Variants in TENT2 observed in about 807,000 individuals in gnomAD.
TENT2 encodes the protein terminal nucleotidyltransferase 2.
TENT2 carries 44 observed loss-of-function variants against 72.2 expected under a neutral mutation model. That is an observed-to-expected ratio of 0.61 (90% CI 0.48 to 0.78). The LOEUF (loss-of-function observed/expected upper bound fraction) is 0.78. Ranked by LOEUF, TENT2 falls within the 30% of genes least tolerant of loss-of-function variation. TENT2 has a pLI of 0.00. For missense variants in TENT2, 541 were observed against 569.6 expected (o/e 0.95, Z 0.51); for synonymous variants, 212 against 192.5 (o/e 1.10, Z -0.84).
intron 10 of TENT2, among the ~76,000 whole-genome samples, chr5:79,654,340 A>G (rs1009156681): frequency 6.6e-6 from 1 of 152,122 alleles, no homozygotes. Flanking sequence ...CTGAGGCAGT[A>G]GAATCACTTG....
chr5:79,647,634 T>C (rs910980879), intron 8 of TENT2, among the ~76,000 whole-genome samples: 4 of 152,198 alleles, frequency 2.6e-5, no homozygotes, highest in African/African-American at 7.2e-5. Flanking sequence ...ATGGTAGATT[T>C]CAAATTTTAT....
chr5:79,632,801 C>T (rs75863969), intron 4 of TENT2, among the ~76,000 whole-genome samples: 1,942 of 152,212 alleles, frequency 0.013, 53 homozygotes, highest in African/African-American at 0.043. Context: ...TCAAAAACCA[C>T]TGAGATATAA....
At chr5:79,621,662 GC>G (rs1384925612) in intron 3 of TENT2, among the ~76,000 whole-genome samples, 1 of 151,252 alleles carries the variant, frequency 6.6e-6, no homozygotes, top group Non-Finnish European at 1.5e-5. Flanking sequence ...GGAGGCTGAG[GC>G]AGGAGAATGG....
intron 11 of TENT2, among the ~76,000 whole-genome samples, chr5:79,664,335 G>T (rs910453422): frequency 1.3e-5 from 2 of 152,190 alleles, no homozygotes; most frequent in Admixed American, 6.5e-5. Context: ...GGTGGCTCAT[G>T]CCTGTAATCC....
intron 11 of TENT2, among the ~76,000 whole-genome samples, chr5:79,666,612 A>C (rs973685848): frequency 4.6e-5 from 7 of 151,946 alleles, no homozygotes; most frequent in African/African-American, 1.7e-4. Flanking sequence ...AGCTGGTCTC[A>C]AACTCCTGGG....
chr5:79,621,004 G>A (rs947128231), intron 3 of TENT2, among the ~76,000 whole-genome samples: 3 of 151,190 alleles, frequency 2.0e-5, no homozygotes, highest in African/African-American at 4.9e-5. Flanking sequence ...AATAACATTC[G>A]GCAATATTTG....
chr5:79,683,358 C>A (rs564755717), intron 14 of TENT2, among the ~76,000 whole-genome samples: 3 of 151,836 alleles, frequency 2.0e-5, no homozygotes, highest in African/African-American at 7.2e-5. Context: ...CTCACCTCAC[C>A]CCACCCCTGG....
At chr5:79,672,333 TTA>T (rs1018923390) in intron 12 of TENT2, among the ~76,000 whole-genome samples, 17 of 152,184 alleles carry the variant, frequency 1.1e-4, no homozygotes, top group Admixed American at 5.9e-4. Context: ...TTATCCTGTT[TTA>T]GTTATTTTTA....
At chr5:79,658,067 G>T (rs1426014926) in intron 11 of TENT2, among the ~76,000 whole-genome samples, 1 of 152,186 alleles carries the variant, frequency 6.6e-6, no homozygotes, top group African/African-American at 2.4e-5. Flanking sequence ...CAAGGTGCTG[G>T]ATAATAAACG....
intron 5 of TENT2, 69 bp from the exon 6 acceptor site, chr5:79,641,036 T>A: frequency 1.4e-6 from 2 of 1,445,814 alleles, no homozygotes; most frequent in Non-Finnish European, 9.4e-7. Flanking sequence ...TTTTTTTTTT[T>A]AATAGGCACA....
At chr5:79,627,275 C>G (rs1049316921) in intron 4 of TENT2, among the ~76,000 whole-genome samples, 8 of 152,022 alleles carry the variant, frequency 5.3e-5, no homozygotes, top group Non-Finnish European at 1.0e-4. Flanking sequence ...TTAGAACTAA[C>G]TAACTGCTAG....
chr5:79,624,654 TC>T (rs1437064789), intron 4 of TENT2, among the ~76,000 whole-genome samples: 1 of 152,182 alleles, frequency 6.6e-6, no homozygotes, highest in Admixed American at 6.5e-5. Flanking sequence ...ATGAAATCAT[TC>T]AATATGTGGC....
intron 12 of TENT2, among the ~76,000 whole-genome samples, chr5:79,676,846 C>T (rs1322814588): frequency 2.6e-5 from 4 of 152,140 alleles, no homozygotes; most frequent in Non-Finnish European, 5.9e-5. Context: ...ACAATTTTTA[C>T]ATGCTAAGCA....
intron 11 of TENT2, among the ~76,000 whole-genome samples, chr5:79,659,860 A>C (rs950454783): frequency 6.8e-6 from 1 of 147,860 alleles, no homozygotes; most frequent in Non-Finnish European, 1.5e-5. Context: ...ATTTGTATAC[A>C]TCTGATTGTT....
At chr5:79,680,789 T>C (rs949144934) in intron 13 of TENT2, among the ~76,000 whole-genome samples, 2 of 152,210 alleles carry the variant, frequency 1.3e-5, no homozygotes, top group African/African-American at 4.8e-5. Flanking sequence ...CTTCTGTGCA[T>C]TTTTCCTCCT....
At chr5:79,651,695 T>C (rs2150190522) in intron 10 of TENT2, among the ~76,000 whole-genome samples, 1 of 152,144 alleles carries the variant, frequency 6.6e-6, no homozygotes, top group Middle Eastern at 3.4e-3. Flanking sequence ...ATTGAAGTAG[T>C]CTTAGAGCTA....
intron 11 of TENT2, among the ~76,000 whole-genome samples, chr5:79,665,879 G>GT (rs1807255074): frequency 6.6e-6 from 1 of 151,200 alleles, no homozygotes; most frequent in South Asian, 2.1e-4. Context: ...TAAAATATTA[G>GT]TTTAAGTTCT....
chr5:79,631,130 C>G (rs1775140000), intron 4 of TENT2, among the ~76,000 whole-genome samples: 1 of 152,284 alleles, frequency 6.6e-6, no homozygotes, highest in South Asian at 2.1e-4. Context: ...CCTGTGTACC[C>G]TACTACATTT....
intron 1 of TENT2, among the ~76,000 whole-genome samples, chr5:79,617,208 T>C (rs541078959): frequency 6.6e-6 from 1 of 151,526 alleles, no homozygotes; most frequent in Admixed American, 6.6e-5. Context: ...TTAGCACTTT[T>C]TGTACCCTCT....
Sources: allele counts gnomAD v4.1 joint callset (sites outside exome capture counted in the v4.1 genomes callset), GRCh38; gene constraint gnomAD v4.1.1; transcripts MANE v1.5; gene names NCBI Gene and HGNC (gene_info 2026-07-23, HGNC 2026-07-21).